The following PPP2R2D variants were observed in gnomAD, a reference collection of about 807,000 sequenced individuals.
PPP2R2D encodes the protein serine/threonine-protein phosphatase 2A 55 kDa regulatory subunit B delta isoform.
Under a neutral mutation model 31.1 loss-of-function variants are expected in PPP2R2D, and 9 were observed. That is an observed-to-expected ratio of 0.29 (90% confidence interval 0.17 to 0.51). PPP2R2D has a LOEUF of 0.51. Ranked by LOEUF, PPP2R2D falls within the 20% of genes least tolerant of loss-of-function variation. The pLI, the probability that PPP2R2D is intolerant of heterozygous loss-of-function variation, is 0.98. For synonymous variants in PPP2R2D, 179 were observed against 172.6 expected, an observed-to-expected ratio of 1.04 and a Z score of -0.29; for missense variants, 391 against 465.6, an observed-to-expected ratio of 0.84 and a Z score of 1.48.
intron 3 of PPP2R2D, among the ~76,000 whole-genome samples, chr10:131,938,840 G>A (rs2036390187): frequency 6.6e-6 from 1 of 152,220 alleles, no homozygotes; most frequent in African/African-American, 2.4e-5. Flanking sequence ...CACTACCACT[G>A]TGTTGGAGCT....
chr10:131,952,384 C>CG (rs1299760668), intron 8 of PPP2R2D, among the ~76,000 whole-genome samples: 3 of 31,506 alleles, frequency 9.5e-5, no homozygotes, highest in Admixed American at 5.5e-4. Context: ...TGCGGGTGTG[C>CG]GGGGGTTCAC....
intron 2 of PPP2R2D, among the ~76,000 whole-genome samples, chr10:131,909,208 C>A (rs987344750): frequency 1.3e-5 from 2 of 152,112 alleles, no homozygotes; most frequent in African/African-American, 4.8e-5. Flanking sequence ...GGTCCTCTGG[C>A]AGAAAAGGGA....
At chr10:131,950,234 A>G (rs1191301774) in intron 8 of PPP2R2D, among the ~76,000 whole-genome samples, 5 of 152,214 alleles carry the variant, frequency 3.3e-5, no homozygotes, top group Admixed American at 2.0e-4. Flanking sequence ...GGTGAGGCAC[A>G]GCACACGTTT....
At chr10:131,970,427 A>G in the PPP2R2D span, 5 of 657,136 alleles carry the variant, frequency 7.6e-6, no homozygotes, top group South Asian at 7.9e-5. The surrounding 1 kb of genome is among the most constrained non-coding windows in gnomAD (Gnocchi z 4.1). Context: ...CAGGCCAGAC[A>G]GCAGCACCAC....
chr10:131,919,098 G>A lies in PPP2R2D; in HGVS notation c.101-15360G>A, dbSNP rs373341080. On this transcript the variant is annotated intron_variant, in intron 2 of 8. Transcript: ENST00000455566. ...GGAGTGACACAGTGTTTGTAGGGAC[G>A]TCAGGCGGCTGGAATGACAGTGTAG... 4.2e-5 allele frequency among the ~76,000 whole-genome samples: 4 copies of A among 96,130 alleles called. 1 individual carries two copies. The highest frequency in any genetic ancestry group is 2.3e-4 in the Admixed American group (2 of 8,744). 63.1% of individuals were successfully genotyped at this position (96,130 alleles called of 152,430 possible).
chr10:131,909,180 G>C (rs1729466886), intron 2 of PPP2R2D, among the ~76,000 whole-genome samples: 1 of 152,202 alleles, frequency 6.6e-6, no homozygotes, highest in Admixed American at 6.5e-5. Context: ...TATGTTCTGA[G>C]AGGTCAGTGC....
intron 2 of PPP2R2D, among the ~76,000 whole-genome samples, chr10:131,908,277 T>C (rs2035629340): frequency 6.6e-6 from 1 of 152,212 alleles, no homozygotes; most frequent in South Asian, 2.1e-4. Context: ...TTTGCTCCTG[T>C]TTCTTTCTTT....
At chr10:131,936,315 AT>A (rs56396042) in intron 3 of PPP2R2D, among the ~76,000 whole-genome samples, 30,548 of 151,364 alleles carry the variant, frequency 0.2, 3,255 homozygotes, top group South Asian at 0.26. Context: ...CGACCAGCTA[AT>A]TTTTGTATTT....
rs1288833495 is a variant in PPP2R2D, at chr10:131,922,286, A to G, written c.101-12172A>G. ...ATTTACAGTAAGGTAACTATTGTTA[A>G]TGCTGATGTATTCTTGAGAAATAAA... On this transcript the variant is annotated intron_variant, in intron 2 of 8. Transcript: ENST00000455566. Among the ~76,000 whole-genome samples, 3 of 152,350 alleles carry G rather than the reference A, an allele frequency of 2.0e-5. No homozygotes were observed. The East Asian group carries it at 5.8e-4, about 29-fold the overall frequency.
chr10:131,955,051 G>A (rs912560938), intron 8 of PPP2R2D, among the ~76,000 whole-genome samples: 1 of 152,200 alleles, frequency 6.6e-6, no homozygotes. Context: ...GATGTGTGCG[G>A]TAGTAGAATT....
At chr10:131,934,752 G>A in intron 3 of PPP2R2D, 197 bp downstream of exon 3, 3 of 592,008 alleles carry the variant, frequency 5.1e-6, no homozygotes, top group South Asian at 4.8e-5. Flanking sequence ...AAGTCTCCAA[G>A]GCCTTTGTCT....
chr10:131,928,912 C>G (rs1036750582), intron 2 of PPP2R2D, among the ~76,000 whole-genome samples: 8 of 152,194 alleles, frequency 5.3e-5, no homozygotes, highest in Admixed American at 2.6e-4. Context: ...TGATCTGATG[C>G]ATTCATATTT....
chr10:131,916,257 C>T (rs2035777688), intron 2 of PPP2R2D, among the ~76,000 whole-genome samples: 1 of 151,706 alleles, frequency 6.6e-6, no homozygotes, highest in African/African-American at 2.4e-5. Flanking sequence ...ATGTCAGCAA[C>T]TTAGGGTGGT....
At chr10:131,902,525 T>A (rs945354262) in intron 2 of PPP2R2D, among the ~76,000 whole-genome samples, 5 of 152,164 alleles carry the variant, frequency 3.3e-5, no homozygotes, top group Non-Finnish European at 7.3e-5. Flanking sequence ...AAGAAATGCG[T>A]AATATATATG....
At chr10:131,923,594 G>T (rs1333748692) in intron 2 of PPP2R2D, among the ~76,000 whole-genome samples, 1 of 152,070 alleles carries the variant, frequency 6.6e-6, no homozygotes, top group Non-Finnish European at 1.5e-5. Context: ...CTTCACCTAC[G>T]CTTGTTATTG....
At chr10:131,927,845 T>A (rs1554895161) in intron 2 of PPP2R2D, among the ~76,000 whole-genome samples, 2 of 152,264 alleles carry the variant, frequency 1.3e-5, no homozygotes, top group Non-Finnish European at 2.9e-5. Flanking sequence ...TTATGCATCT[T>A]TTCTACTCTT....
chr10:131,913,477 T>C (rs1051766758), intron 2 of PPP2R2D, among the ~76,000 whole-genome samples: 14 of 152,314 alleles, frequency 9.2e-5, no homozygotes, highest in African/African-American at 3.1e-4. Flanking sequence ...GACTAGATTT[T>C]TTGTATTGCT....
chr10:131,919,682 G>GA lies in PPP2R2D; in HGVS notation c.101-14774dup, dbSNP rs1163824232. Among the ~76,000 whole-genome samples the GA allele has an allele frequency of 1.5e-5, 2 of 130,174 alleles. 1 individual carries two copies. The highest frequency in any genetic ancestry group is 3.3e-5 in the Non-Finnish European group (2 of 61,292). 85.4% of individuals were successfully genotyped at this position (130,174 alleles called of 152,430 possible). ...ACAGTGTAGGGACCTCACGCGGGTG[G>GA]AATGACAGTGTTTATAGGGACCTCA... On this transcript the variant is annotated intron_variant, in intron 2 of 8. Coordinates refer to ENST00000455566, the MANE Select transcript of PPP2R2D (RefSeq NM_018461.5).
chr10:131,906,251 T>C (rs1426636564), intron 2 of PPP2R2D, among the ~76,000 whole-genome samples: 1 of 152,216 alleles, frequency 6.6e-6, no homozygotes, highest in African/African-American at 2.4e-5. Flanking sequence ...GGTCTTATAT[T>C]GAACCTGGTT....
Sources: gnomAD v4.1 joint callset for allele counts (sites outside exome capture counted in the v4.1 genomes callset) on GRCh38, gnomAD v4.1.1 for gene constraint, Gnocchi (gnomAD v3.1) non-coding constraint, MANE v1.5 for transcripts, NCBI Gene and HGNC (gene_info 2026-07-23, HGNC 2026-07-21) for gene names.